The following CARS2 variants were observed in gnomAD, a reference collection of about 807,000 sequenced individuals.
CARS2 encodes cysteinyl-tRNA synthetase 2, mitochondrial, also known as probable cysteine--tRNA ligase, mitochondrial.
In CARS2, 52 loss-of-function variants were observed where a neutral mutation model predicts 68.8. That is an observed-to-expected ratio of 0.76 (90% CI 0.61 to 0.95). The LOEUF (loss-of-function observed/expected upper bound fraction) is 0.95, where lower values mean the gene tolerates loss of function less well. Ranked by LOEUF, CARS2 falls within the 40% of genes least tolerant of loss-of-function variation. CARS2 has a pLI of 0.00. For missense variants in CARS2, 780 were observed against 754.2 expected (o/e 1.03, Z -0.40); for synonymous variants, 314 against 303.6 (o/e 1.03, Z -0.36).
chr13:110,701,637 T>C (rs1433069256), intron 2 of CARS2, 82 bp from the exon 3 acceptor site: 5 of 759,244 alleles, frequency 6.6e-6, no homozygotes, highest in Non-Finnish European at 1.2e-5. Context: ...CATTTTAACA[T>C]GCTGCTCCAT....
intron 3 of CARS2, among the ~76,000 whole-genome samples, chr13:110,690,223 GTC>G (rs1250748977): frequency 3.3e-5 from 5 of 152,108 alleles, no homozygotes; most frequent in Non-Finnish European, 5.9e-5. Flanking sequence ...GCGAGATCCT[GTC>G]TCAAAAAAAT....
Position 110,665,957 on chromosome 13 carries a change from CCAAA to C in CARS2, c.919+1379_919+1382del. 1.0e-6 allele frequency: 1 copy of C among 985,356 alleles called. No homozygotes were observed. Among genetic ancestry groups the C allele is most frequent in the Non-Finnish European group, 1.2e-6 (1 of 829,920 alleles). The allele number at this position is 985,356 out of a possible 1,614,324, so 61.0% of individuals were successfully genotyped here. On this transcript the variant is annotated intron_variant, in intron 8 of 14. Transcript: ENST00000257347. The surrounding 1 kb of genome is among the most constrained non-coding windows in gnomAD (Gnocchi z 4.3). ...GTTTGCATCTCCAAATCTATCACTA[CCAAA>C]CACTCTTTATCTTTCTTCATCTGGG... is the stretch of plus-strand genomic sequence containing the variant.
At chr13:110,651,129 A>T in intron 9 of CARS2, 29 bp from the exon 10 acceptor site, 1 of 1,563,748 alleles carries the variant, frequency 6.4e-7, no homozygotes, top group Non-Finnish European at 8.8e-7. Context: ...GGCAGTCACG[A>T]GGCTTTGCTT....
At chr13:110,711,613 T>C (rs1230491746) in intron 1 of CARS2, among the ~76,000 whole-genome samples, 1 of 152,246 alleles carries the variant, frequency 6.6e-6, no homozygotes, top group African/African-American at 2.4e-5. Context: ...TAGAATAGCG[T>C]GATCTGTAAG....
chr13:110,642,827 C>T (rs1346293589), intron 13 of CARS2: 1 of 636,298 alleles, frequency 1.6e-6, no homozygotes, highest in Non-Finnish European at 2.9e-6. Context: ...CGCTCCCTGG[C>T]TTCCAGACCT....
In CARS2 at chr13:110,676,395, G is replaced by A. The variant is rs781619499; in HGVS notation, c.785+579C>T. 1.3e-5 allele frequency among the ~76,000 whole-genome samples: 2 copies of A among 152,180 alleles called. No individual in the cohort carries two copies. The highest frequency in any genetic ancestry group is 6.5e-5 in the Admixed American group (1 of 15,278). On this transcript the variant is annotated intron_variant, in intron 7 of 14. Coordinates refer to ENST00000257347, the MANE Select transcript of CARS2 (RefSeq NM_024537.4). The surrounding 1 kb of genome is among the most constrained non-coding windows in gnomAD (Gnocchi z 4.0). ...GGGTGTTTCCAGAGTAGGGGATGCC[G>A]CAGTGGGCCAGGAGAGCAGTGTCGT...
chr13:110,692,349 T>C (rs2063495865), intron 3 of CARS2, among the ~76,000 whole-genome samples: 1 of 151,650 alleles, frequency 6.6e-6, no homozygotes. Context: ...CACATGTCTG[T>C]AATCCTGGCT....
intron 9 of CARS2, among the ~76,000 whole-genome samples, chr13:110,659,630 C>T (rs2062453989): frequency 3.9e-5 from 6 of 152,122 alleles, no homozygotes; most frequent in Admixed American, 3.9e-4. Flanking sequence ...TTTCCCAGTG[C>T]ATATAAAAGT....
chr13:110,705,496 G>T lies in CARS2; in HGVS notation c.275+25C>A. The T allele has an allele frequency of 6.4e-7, 1 of 1,554,582 alleles. No homozygotes were observed. The highest frequency in any genetic ancestry group is 8.7e-7 in the Non-Finnish European group (1 of 1,143,808). On this transcript the variant is annotated intron_variant, in intron 2 of 14. Coordinates refer to ENST00000257347, the MANE Select transcript of CARS2 (RefSeq NM_024537.4). This position sits in a 1 kb window ranked among gnomAD's most constrained non-coding sequence, Gnocchi z 4.0. Reference sequence around the variant, plus strand: ...AAAAATAAATGGTCCTTTGAAGTATGAAAATTCAAATCCAGGAAACTCACC... The same window carrying T: ...AAAAATAAATGGTCCTTTGAAGTATTAAAATTCAAATCCAGGAAACTCACC...
chr13:110,662,024 G>A (rs2062515688), intron 9 of CARS2, among the ~76,000 whole-genome samples: 2 of 152,242 alleles, frequency 1.3e-5, no homozygotes, highest in Non-Finnish European at 2.9e-5. Flanking sequence ...GAAAGGAAGT[G>A]AGAACATGCT....
chr13:110,700,470 GA>G (rs955994107), intron 3 of CARS2, among the ~76,000 whole-genome samples: 11 of 152,208 alleles, frequency 7.2e-5, no homozygotes, highest in African/African-American at 2.2e-4. Context: ...GGCCTGGTGG[GA>G]AAAGTCTAGA....
intron 6 of CARS2, among the ~76,000 whole-genome samples, chr13:110,680,155 G>A (rs1403254946): frequency 3.6e-4 from 3 of 8,240 alleles, no homozygotes; most frequent in African/African-American, 3.5e-4. Context: ...CGAGGGGGGG[G>A]GGGGGGGGGG....
rs374608954 is a variant in CARS2, at chr13:110,651,296, G to A, written c.988-196C>T. 19 of 546,332 alleles carry A rather than the reference G, an allele frequency of 3.5e-5. 1 individual carries two copies. Among genetic ancestry groups the A allele is most frequent in the East Asian group, 6.6e-5 (2 of 30,478 alleles). The allele number at this position is 546,332 out of a possible 1,614,324, so 33.8% of individuals were successfully genotyped here. A position where few individuals can be genotyped will look rare whatever the true frequency, so the allele number is the denominator to read the frequency against. On this transcript the variant is annotated intron_variant, in intron 9 of 14. Transcript: ENST00000257347. ...TTTCCTCACTGAACTTTCCACGTTC[G>A]ATCTCAGTATTTGTGGAAAGAGCAA...
intron 7 of CARS2, among the ~76,000 whole-genome samples, chr13:110,669,446 T>C (rs1399206656): frequency 1.3e-5 from 2 of 152,238 alleles, no homozygotes; most frequent in East Asian, 1.9e-4. Flanking sequence ...AAATCTCTGA[T>C]GTAGCTACTA....
intron 6 of CARS2, among the ~76,000 whole-genome samples, chr13:110,678,949 C>T (rs1479317882): frequency 2.1e-5 from 3 of 144,836 alleles, no homozygotes; most frequent in Non-Finnish European, 4.6e-5. Context: ...ACCTTCTAAC[C>T]GTGGTCAAGC....
At chr13:110,696,726 T>C (rs1004293702) in intron 3 of CARS2, among the ~76,000 whole-genome samples, 2 of 152,158 alleles carry the variant, frequency 1.3e-5, no homozygotes, top group African/African-American at 4.8e-5. Context: ...TTCTACCAAG[T>C]TTTTCATATT....
chr13:110,645,022 C>T (rs945148800), intron 12 of CARS2: 5 of 154,468 alleles, frequency 3.2e-5, no homozygotes, highest in African/African-American at 1.2e-4. Context: ...CTGGTAGTGC[C>T]GGCAGCAGCT....
chr13:110,713,100 G>T (rs2064055505), intron 1 of CARS2: 2 of 1,439,300 alleles, frequency 1.4e-6, no homozygotes, highest in Admixed American at 2.7e-5. Context: ...GGAGGACTTG[G>T]GTTTCTAGTA....
intron 6 of CARS2, among the ~76,000 whole-genome samples, chr13:110,679,216 A>G (rs1025392957): frequency 5.9e-5 from 9 of 152,266 alleles, no homozygotes; most frequent in Non-Finnish European, 1.3e-4. Flanking sequence ...CTGTGTTCTC[A>G]AAACACCATT....
Sources: allele counts gnomAD v4.1 joint callset (sites outside exome capture counted in the v4.1 genomes callset), GRCh38; gene constraint gnomAD v4.1.1; non-coding constraint Gnocchi (gnomAD v3.1); transcripts MANE v1.5; gene names NCBI Gene and HGNC (gene_info 2026-07-23, HGNC 2026-07-21).